The following TADA1 variants were observed in gnomAD, a reference collection of about 807,000 sequenced individuals.
TADA1 encodes transcriptional adapter 1.
In TADA1, 23 loss-of-function variants were observed where a neutral mutation model predicts 39.3. The ratio of observed to expected loss-of-function variants is 0.58; its 90% CI spans 0.42 to 0.83. The LOEUF (loss-of-function observed/expected upper bound fraction) is 0.83. Among genes scored for constraint, TADA1 ranks in the 40% least tolerant of loss-of-function variants. TADA1 has a pLI of 0.00. For missense variants in TADA1, 352 were observed against 408.1 expected (o/e 0.86, Z 1.18); for synonymous variants, 137 against 151.8 (o/e 0.90, Z 0.72).
intron 1 of TADA1, among the ~76,000 whole-genome samples, chr1:166,870,188 T>C (rs190564823): frequency 6.6e-6 from 1 of 152,316 alleles, no homozygotes; most frequent in East Asian, 1.9e-4. Flanking sequence ...ACCCTAGTAC[T>C]TCAGAATATG....
At chr1:166,871,562 T>C (rs563819359) in intron 1 of TADA1, among the ~76,000 whole-genome samples, 34 of 152,256 alleles carry the variant, frequency 2.2e-4, no homozygotes, top group Non-Finnish European at 2.1e-4. Context: ...AGAAAACCCA[T>C]AGCCTTTATG....
intron 3 of TADA1, 169 bp downstream of exon 3, chr1:166,869,276 T>TA (rs200445746): frequency 0.035 from 14,219 of 403,960 alleles, no homozygotes; most frequent in East Asian, 0.051. Context: ...GTTTCTGCTT[T>TA]AAAAAAAAAA....
intron 7 of TADA1, 143 bp from the exon 8 acceptor site, chr1:166,857,862 T>C: frequency 9.7e-7 from 1 of 1,035,920 alleles, no homozygotes; most frequent in South Asian, 1.7e-5. Context: ...AATTGGATAA[T>C]AATAAGGAAA....
At chr1:166,861,641 CCT>C (rs1191846968) in intron 5 of TADA1, among the ~76,000 whole-genome samples, 1 of 152,174 alleles carries the variant, frequency 6.6e-6, no homozygotes, top group Non-Finnish European at 1.5e-5. Context: ...AAACCATTCC[CCT>C]GTTGACAAAA....
At chr1:166,857,766 T>C in intron 7 of TADA1, 47 bp from the exon 8 acceptor site, 2 of 1,587,754 alleles carry the variant, frequency 1.3e-6, no homozygotes, top group Non-Finnish European at 1.7e-6. Context: ...TGAGTAGACT[T>C]ATTTTTCTGA....
At chr1:166,861,293 A>T (rs1354118868) in intron 5 of TADA1, among the ~76,000 whole-genome samples, 1 of 152,210 alleles carries the variant, frequency 6.6e-6, no homozygotes, top group Non-Finnish European at 1.5e-5. Context: ...ACTTATATCA[A>T]GACATTATTG....
At chr1:166,866,750 ATT>A (rs140146592) in intron 3 of TADA1, among the ~76,000 whole-genome samples, 2 of 146,824 alleles carry the variant, frequency 1.4e-5, no homozygotes, top group Non-Finnish European at 3.0e-5. Context: ...TTTTATTTTT[ATT>A]TTTTTTTTTT....
intron 6 of TADA1, among the ~76,000 whole-genome samples, chr1:166,858,819 AAAGAGT>A (rs1255362759): frequency 1.3e-5 from 2 of 152,252 alleles, no homozygotes; most frequent in African/African-American, 2.4e-5. Flanking sequence ...AGGTAAAACA[AAAGAGT>A]AAAGCAGTAA....
intron 1 of TADA1, among the ~76,000 whole-genome samples, chr1:166,872,055 A>G (rs1487234362): frequency 6.6e-6 from 1 of 152,232 alleles, no homozygotes; most frequent in Non-Finnish European, 1.5e-5. Context: ...ACCAAGAGTT[A>G]AAAGACTTGC....
chr1:166,870,073 C>G (rs1244552524), intron 1 of TADA1, among the ~76,000 whole-genome samples: 3 of 152,090 alleles, frequency 2.0e-5, no homozygotes, highest in Non-Finnish European at 4.4e-5. Flanking sequence ...GCTTCTTCCC[C>G]AAGTTCAGCA....
intron 7 of TADA1, 47 bp from the exon 8 acceptor site, chr1:166,857,766 T>TA (rs372034751): frequency 0.017 from 26,520 of 1,587,698 alleles, 304 homozygotes; most frequent in Non-Finnish European, 0.021. Context: ...TGAGTAGACT[T>TA]ATTTTTCTGA....
At chr1:166,870,198 G>C (rs1321697131) in intron 1 of TADA1, among the ~76,000 whole-genome samples, 1 of 152,168 alleles carries the variant, frequency 6.6e-6, no homozygotes, top group Non-Finnish European at 1.5e-5. Context: ...TTCAGAATAT[G>C]ACTCTATTTG....
chr1:166,857,507 A>T lies in TADA1; in HGVS notation c.*60T>A. On this transcript the variant is annotated 3_prime_UTR_variant, in exon 8 of 8. Transcript: ENST00000367874. ...TCAGCCTTGAAATGTGGACCCAAAA[A>T]ACATTCAATTTTCAGTAATCAATGA... 6.3e-7 allele frequency: 1 copy of T among 1,594,142 alleles called. No homozygotes were observed. The highest frequency in any genetic ancestry group is 1.1e-5 in the South Asian group (1 of 89,088).
intron 4 of TADA1, chr1:166,863,009 C>T (rs1658450891): frequency 6.5e-6 from 1 of 153,984 alleles, no homozygotes; most frequent in East Asian, 1.9e-4. Flanking sequence ...ATTCTGATAG[C>T]CCATTCATGT....
chr1:166,876,210 C>T lies in TADA1; in HGVS notation c.24G>A (p.Leu8=). Residue 8 remains leucine (L), a synonymous_variant, in exon 1 of 8, where the codon CTG becomes CTA. Coordinates refer to ENST00000367874, the MANE Select transcript of TADA1 (RefSeq NM_053053.4). ...CGCTTAAGTTCTTCTTGGCCGCCTC[C>T]AGCTCGCTCACAAAGGTCGCCATTG... MATFVSE[L]EAAKKNLSEA... is the part of the protein sequence containing the mutation. 1 of 1,613,728 alleles carries T rather than the reference C, an allele frequency of 6.2e-7. No individual in the cohort carries two copies. The highest frequency in any genetic ancestry group is 2.2e-5 in the East Asian group (1 of 44,850).
intron 2 of TADA1, 37 bp downstream of exon 2, chr1:166,869,726 C>T (rs1571241888): frequency 4.4e-6 from 7 of 1,586,110 alleles, no homozygotes; most frequent in African/African-American, 1.4e-5. Flanking sequence ...AGGAAAACTA[C>T]AGAATAGTAA....
At chr1:166,862,095 T>C in intron 5 of TADA1, 108 bp downstream of exon 5, 2 of 1,104,642 alleles carry the variant, frequency 1.8e-6, no homozygotes, top group South Asian at 2.9e-5. Flanking sequence ...GACAATTCTG[T>C]GAAATCAGAG....
chr1:166,864,491 C>T (rs150530390), intron 3 of TADA1, among the ~76,000 whole-genome samples: 1 of 152,104 alleles, frequency 6.6e-6, no homozygotes, highest in Admixed American at 6.5e-5. Flanking sequence ...CTGGAAGAAA[C>T]CCACAACCTG....
intron 1 of TADA1, among the ~76,000 whole-genome samples, chr1:166,870,490 T>C (rs1658632242): frequency 6.6e-6 from 1 of 152,134 alleles, no homozygotes; most frequent in African/African-American, 2.4e-5. Flanking sequence ...AGCAAACTAA[T>C]ACACCTAGGA....
Sources: gnomAD v4.1 joint callset for allele counts (sites outside exome capture counted in the v4.1 genomes callset) on GRCh38, gnomAD v4.1.1 for gene constraint, MANE v1.5 for transcripts, NCBI Gene and HGNC (gene_info 2026-07-23, HGNC 2026-07-21) for gene names.